Variants in CNBD1 observed in about 807,000 individuals in gnomAD.
The protein encoded by CNBD1 is cyclic nucleotide binding domain containing 1, also known as cyclic nucleotide-binding domain-containing protein 1.
In CNBD1, 71 loss-of-function variants were observed where a neutral mutation model predicts 54.4. The observed-to-expected ratio is 1.30, with a 90% CI of 1.08 to 1.59. The LOEUF (loss-of-function observed/expected upper bound fraction) is 1.59, where lower values mean the gene tolerates loss of function less well. Among genes scored for constraint, CNBD1 ranks in the 40% most tolerant of loss-of-function variants. CNBD1 has a pLI of 0.00. For synonymous variants in CNBD1, 182 were observed against 170.7 expected, an observed-to-expected ratio of 1.07 and a Z score of -0.51; for missense variants, 659 against 518.0, an observed-to-expected ratio of 1.27 and a Z score of -2.64.
chr8:87,340,510 C>T (rs570065466), intron 8 of CNBD1, among the ~76,000 whole-genome samples: 2 of 152,226 alleles, frequency 1.3e-5, no homozygotes, highest in East Asian at 1.9e-4. Flanking sequence ...TCTCTCTCTT[C>T]TCCTTTGGGA....
intron 5 of CNBD1, among the ~76,000 whole-genome samples, chr8:87,220,363 G>C (rs2130808238): frequency 6.6e-6 from 1 of 152,046 alleles, no homozygotes; most frequent in Non-Finnish European, 1.5e-5. Context: ...TATCCTTTTA[G>C]GGAGAGCAAG....
chr8:86,971,149 A>G (rs1207729986), intron 4 of CNBD1, among the ~76,000 whole-genome samples: 1 of 152,216 alleles, frequency 6.6e-6, no homozygotes, highest in African/African-American at 2.4e-5. Flanking sequence ...TAAAGAAAAT[A>G]GGTTTAATTG....
At chr8:87,147,883 A>G (rs1400086745) in intron 4 of CNBD1, among the ~76,000 whole-genome samples, 1 of 152,026 alleles carries the variant, frequency 6.6e-6, no homozygotes, top group Non-Finnish European at 1.5e-5. Context: ...TAACTCTTTT[A>G]CTTTCTATTT....
chr8:87,000,248 T>C (rs1808964811), intron 4 of CNBD1, among the ~76,000 whole-genome samples: 1 of 152,124 alleles, frequency 6.6e-6, no homozygotes, highest in Admixed American at 6.5e-5. Flanking sequence ...TGATGGTTTT[T>C]TAAGGCAATT....
intron 3 of CNBD1, among the ~76,000 whole-genome samples, chr8:86,937,932 T>G (rs1350501192): frequency 6.6e-6 from 1 of 152,192 alleles, no homozygotes; most frequent in African/African-American, 2.4e-5. Context: ...GGCTGCAAAT[T>G]TTCTGAACTT....
intron 4 of CNBD1, among the ~76,000 whole-genome samples, chr8:86,974,825 T>C (rs920635854): frequency 3.9e-5 from 6 of 152,068 alleles, no homozygotes; most frequent in Non-Finnish European, 7.4e-5. Context: ...GTTCGGTTTC[T>C]TTTTAGTTTA....
intron 2 of CNBD1, among the ~76,000 whole-genome samples, chr8:87,401,763 A>G (rs918889442): frequency 1.3e-5 from 2 of 152,044 alleles, no homozygotes; most frequent in Non-Finnish European, 2.9e-5. Flanking sequence ...AAAAATTTAA[A>G]CAAGTAAAGC....
At chr8:87,332,393 A>G (rs779297731) in intron 8 of CNBD1, among the ~76,000 whole-genome samples, 2 of 151,248 alleles carry the variant, frequency 1.3e-5, no homozygotes, top group Non-Finnish European at 1.5e-5. Context: ...ATTAGGTCCC[A>G]TTTGTCAGTT....
intron 2 of CNBD1, 47 bp from the exon 3 acceptor site, chr8:86,905,034 C>T (rs1281458843): frequency 8.8e-7 from 1 of 1,131,008 alleles, no homozygotes; most frequent in Admixed American, 2.0e-5. Flanking sequence ...CTCTTGGAAG[C>T]TGTTATCCTA....
chr8:87,278,730 A>G (rs1034512082), intron 6 of CNBD1, among the ~76,000 whole-genome samples: 2 of 151,576 alleles, frequency 1.3e-5, no homozygotes, highest in Admixed American at 6.6e-5. Context: ...ACTGAAGAAC[A>G]AAGAAACTTC....
chr8:87,218,852 C>A (rs1814266989), intron 5 of CNBD1, among the ~76,000 whole-genome samples: 1 of 151,840 alleles, frequency 6.6e-6, no homozygotes, highest in South Asian at 2.1e-4. Flanking sequence ...TAATATTATT[C>A]TTGCCTTCAT....
intron 8 of CNBD1, among the ~76,000 whole-genome samples, chr8:87,327,437 T>C (rs1466322231): frequency 2.0e-5 from 3 of 152,270 alleles, no homozygotes; most frequent in Non-Finnish European, 2.9e-5. Context: ...CTCAGACTGC[T>C]GTGCTAGCAA....
At chr8:87,398,237 A>ACGGAGTCTCACTC (rs1336539234) in intron 2 of CNBD1, among the ~76,000 whole-genome samples, 1 of 144,338 alleles carries the variant, frequency 6.9e-6, no homozygotes, top group Non-Finnish European at 1.5e-5. Flanking sequence ...TTTTCTGGAG[A>ACGGAGTCTCACTC]TATCTAAGCA....
intron 5 of CNBD1, among the ~76,000 whole-genome samples, chr8:87,217,833 C>T (rs1050082304): frequency 1.3e-5 from 2 of 151,730 alleles, no homozygotes; most frequent in African/African-American, 2.4e-5. Context: ...TTTTAAAATC[C>T]GTAAAAAGTG....
In CNBD1 at chr8:86,866,440, TG is replaced by T. The variant is rs776894018; in HGVS notation, c.-55del. ...GCTTTATGAGCCTGCAGGCAAAGAG[TG>T]ATCATTTGCCTCTCAAGCAGCCTCT... is the stretch of plus-strand genomic sequence containing the variant. On this transcript the variant is annotated 5_prime_UTR_variant, in exon 1 of 11. An upstream open reading frame in the 5' UTR gains an earlier in-frame stop. Transcript: ENST00000518476. 5.0e-5 allele frequency: 64 copies of T among 1,270,934 alleles called. No individual in the cohort carries two copies. The highest frequency in any genetic ancestry group is 6.8e-5 in the Non-Finnish European group (60 of 885,564). 78.7% of individuals were successfully genotyped at this position (1,270,934 alleles called of 1,614,324 possible). A position where few individuals can be genotyped will look rare whatever the true frequency, so the allele number is the denominator to read the frequency against.
At chr8:87,355,411 G>C (rs1188149008) in intron 10 of CNBD1, among the ~76,000 whole-genome samples, 1 of 151,982 alleles carries the variant, frequency 6.6e-6, no homozygotes, top group Non-Finnish European at 1.5e-5. Context: ...TTAAGATCAA[G>C]CATATATGAA....
chr8:87,234,001 A>T (rs1289918968), intron 5 of CNBD1, among the ~76,000 whole-genome samples: 1 of 152,204 alleles, frequency 6.6e-6, no homozygotes, highest in Non-Finnish European at 1.5e-5. Flanking sequence ...TACTCATTAG[A>T]AGTAGATTTC....
chr8:86,939,516 T>C, intron 3 of CNBD1, 80 bp from the exon 4 acceptor site: 1 of 963,518 alleles, frequency 1.0e-6, no homozygotes, highest in Non-Finnish European at 1.5e-6. Context: ...GCATTTATAC[T>C]CCTGCAATAT....
intron 4 of CNBD1, among the ~76,000 whole-genome samples, chr8:87,107,355 C>T (rs1811562386): frequency 6.6e-6 from 1 of 152,144 alleles, no homozygotes; most frequent in South Asian, 2.1e-4. Context: ...TTGTTCATTT[C>T]TTGAACATTA....
Sources: gnomAD v4.1 joint callset for allele counts (sites outside exome capture counted in the v4.1 genomes callset) on GRCh38, gnomAD v4.1.1 for gene constraint, MANE v1.5 for transcripts, NCBI Gene and HGNC (gene_info 2026-07-23, HGNC 2026-07-21) for gene names.